MAGI1: variants seen among roughly 807,000 people sequenced by gnomAD.
The protein encoded by MAGI1 is membrane associated guanylate kinase, WW and PDZ domain containing 1, also known as membrane-associated guanylate kinase, WW and PDZ domain-containing protein 1.
MAGI1 carries 58 observed loss-of-function variants against 139.9 expected under a neutral mutation model. The observed-to-expected ratio is 0.41, with a 90% CI of 0.34 to 0.52. The LOEUF (loss-of-function observed/expected upper bound fraction) is 0.52, where lower values mean the gene tolerates loss of function less well. Among genes scored for constraint, MAGI1 ranks in the 20% least tolerant of loss-of-function variants. The pLI is 0.12. For synonymous variants in MAGI1, 812 were observed against 737.9 expected (o/e 1.10, Z -1.63); for missense variants, 1,874 against 1,901.6 (o/e 0.99, Z 0.27).
chr3:65,657,310 T>C (rs542035602), intron 1 of MAGI1, among the ~76,000 whole-genome samples: 1 of 151,840 alleles, frequency 6.6e-6, no homozygotes, highest in East Asian at 1.9e-4. Flanking sequence ...AAATTGCCTT[T>C]GAGGCCAGGG....
intron 6 of MAGI1, chr3:65,452,831 AT>A (rs1949119085): frequency 6.2e-6 from 1 of 160,568 alleles, no homozygotes; most frequent in Admixed American, 5.9e-5. Flanking sequence ...CTAGGGAAGT[AT>A]GTGAAATATG....
At chr3:65,832,772 C>A (rs146490404) in intron 1 of MAGI1, among the ~76,000 whole-genome samples, 1 of 152,126 alleles carries the variant, frequency 6.6e-6, no homozygotes, top group Non-Finnish European at 1.5e-5. Flanking sequence ...AAAGCATCTG[C>A]CTTCAATCTA....
chr3:65,714,326 C>A (rs1042977086), intron 1 of MAGI1, among the ~76,000 whole-genome samples: 2 of 151,942 alleles, frequency 1.3e-5, no homozygotes, highest in Non-Finnish European at 2.9e-5. Flanking sequence ...GGGTTATGTT[C>A]GCAGTGAACA....
chr3:66,006,570 C>T (rs1444366660), intron 1 of MAGI1, among the ~76,000 whole-genome samples: 2 of 152,222 alleles, frequency 1.3e-5, no homozygotes, highest in Non-Finnish European at 2.9e-5. Flanking sequence ...ATGTCAAACC[C>T]TAGGCAATGC....
At chr3:65,673,514 T>C (rs1380588635) in intron 1 of MAGI1, among the ~76,000 whole-genome samples, 3 of 152,210 alleles carry the variant, frequency 2.0e-5, no homozygotes, top group African/African-American at 7.2e-5. Context: ...CTTGGATACC[T>C]ACATCCTCCA....
Position 66,038,593 on chromosome 3 carries a change from G to A in MAGI1, c.-285C>T. 2.3e-6 allele frequency: 1 copy of A among 431,316 alleles called. No homozygotes were observed. The highest frequency in any genetic ancestry group is 4.1e-6 in the Non-Finnish European group (1 of 246,282). 26.7% of individuals were successfully genotyped at this position (431,316 alleles called of 1,614,324 possible). On this transcript the variant is annotated 5_prime_UTR_variant, in exon 1 of 23. Transcript: ENST00000402939. ...TTCCGGCGCCCGCCCGTGCTCTCCC[G>A]GACCAGAGTCCACTCTGCGCCGCTC...
chr3:65,569,165 G>A (rs890487435), intron 2 of MAGI1, among the ~76,000 whole-genome samples: 1 of 152,158 alleles, frequency 6.6e-6, no homozygotes, highest in African/African-American at 2.4e-5. Context: ...TATGCTAAAT[G>A]AAATAATCCA....
At chr3:65,599,934 T>C (rs968488708) in intron 2 of MAGI1, among the ~76,000 whole-genome samples, 1 of 152,220 alleles carries the variant, frequency 6.6e-6, no homozygotes, top group Non-Finnish European at 1.5e-5. Flanking sequence ...AAGAGTTACA[T>C]GCAAAGTATT....
At chr3:66,034,951 A>G (rs1412990046) in intron 1 of MAGI1, among the ~76,000 whole-genome samples, 1 of 152,188 alleles carries the variant, frequency 6.6e-6, no homozygotes, top group Non-Finnish European at 1.5e-5. Flanking sequence ...TGGGGTGATG[A>G]AAATGTTCTC....
At chr3:65,966,432 T>C (rs1252249505) in intron 1 of MAGI1, among the ~76,000 whole-genome samples, 2 of 152,176 alleles carry the variant, frequency 1.3e-5, no homozygotes, top group Non-Finnish European at 2.9e-5. Context: ...TTTTATTCAA[T>C]CACAGAAATC....
At chr3:65,757,282 C>A (rs996484414) in intron 1 of MAGI1, among the ~76,000 whole-genome samples, 1 of 152,182 alleles carries the variant, frequency 6.6e-6, no homozygotes, top group Non-Finnish European at 1.5e-5. Context: ...AAGAGGTTTT[C>A]TGAAATTTTA....
chr3:65,836,751 G>A (rs1277689178), intron 1 of MAGI1, among the ~76,000 whole-genome samples: 2 of 152,080 alleles, frequency 1.3e-5, no homozygotes, highest in Non-Finnish European at 2.9e-5. Flanking sequence ...CCAGGAGGCG[G>A]AGGTTGCAGC....
intron 1 of MAGI1, among the ~76,000 whole-genome samples, chr3:65,848,187 T>A (rs2059074907): frequency 6.6e-6 from 1 of 152,224 alleles, no homozygotes; most frequent in Non-Finnish European, 1.5e-5. Flanking sequence ...TCTGTTTGGT[T>A]TACTGGAAGA....
chr3:65,803,009 G>A (rs984900807), intron 1 of MAGI1, among the ~76,000 whole-genome samples: 1 of 151,960 alleles, frequency 6.6e-6, no homozygotes, highest in African/African-American at 2.4e-5. Context: ...GAGAGAGAGA[G>A]GACATTACCA....
At chr3:65,370,696 T>C (rs1312058074) in intron 18 of MAGI1, among the ~76,000 whole-genome samples, 1 of 152,212 alleles carries the variant, frequency 6.6e-6, no homozygotes, top group East Asian at 1.9e-4. Context: ...TGGAGTGCAG[T>C]GGCATGATCA....
intron 1 of MAGI1, among the ~76,000 whole-genome samples, chr3:65,960,001 GT>G (rs909443990): frequency 6.6e-6 from 1 of 150,960 alleles, no homozygotes; most frequent in African/African-American, 2.4e-5. Flanking sequence ...TAGAGACAGG[GT>G]TTTACCGTGT....
intron 2 of MAGI1, among the ~76,000 whole-genome samples, chr3:65,590,228 G>A (rs987278829): frequency 1.3e-5 from 2 of 152,106 alleles, no homozygotes; most frequent in African/African-American, 4.8e-5. Flanking sequence ...GTGACGGTGG[G>A]ATGTCATTGG....
At chr3:66,018,364 C>T (rs1052491562) in intron 1 of MAGI1, among the ~76,000 whole-genome samples, 8 of 152,198 alleles carry the variant, frequency 5.3e-5, no homozygotes, top group Admixed American at 4.6e-4. Context: ...ACATCCCATT[C>T]TCTACCTTCC....
At chr3:65,812,787 C>T (rs571439484) in intron 1 of MAGI1, among the ~76,000 whole-genome samples, 5 of 145,922 alleles carry the variant, frequency 3.4e-5, no homozygotes, top group Non-Finnish European at 6.0e-5. Flanking sequence ...CTCAGCTCAC[C>T]GCAACCTCCG....
Sources: gnomAD v4.1 joint callset for allele counts (sites outside exome capture counted in the v4.1 genomes callset) on GRCh38, gnomAD v4.1.1 for gene constraint, MANE v1.5 for transcripts, NCBI Gene and HGNC (gene_info 2026-07-23, HGNC 2026-07-21) for gene names.